WNT7B: variants seen among roughly 807,000 people sequenced by gnomAD.
WNT7B encodes the protein protein Wnt-7b.
In WNT7B, 19 loss-of-function variants were observed where a neutral mutation model predicts 38.2. The observed-to-expected ratio is 0.50, with a 90% CI of 0.35 to 0.73. WNT7B has a LOEUF of 0.73. Ranked by LOEUF, WNT7B falls within the 30% of genes least tolerant of loss-of-function variation. The pLI is 0.01. For missense variants in WNT7B, 423 were observed against 507.9 expected (o/e 0.83, Z 1.61); for synonymous variants, 243 against 209.3 (o/e 1.16, Z -1.39).
chr22:45,929,801 C>CATCTACCCACTCATCT (rs141932680), intron 3 of WNT7B, among the ~76,000 whole-genome samples: 35,866 of 143,280 alleles, frequency 0.25, 4,381 homozygotes, highest in South Asian at 0.28. Context: ...TCCACTCAAC[C>CATCTACCCACTCATCT]ATCTACCCAT....
chr22:45,944,221 T>C (rs1931740168), intron 2 of WNT7B, among the ~76,000 whole-genome samples: 1 of 152,134 alleles, frequency 6.6e-6, no homozygotes, highest in African/African-American at 2.4e-5. Flanking sequence ...CTGGGGAGGA[T>C]GGAAAATTCC....
chr22:45,946,987 C>T (rs1260982890), intron 2 of WNT7B, among the ~76,000 whole-genome samples: 3 of 152,198 alleles, frequency 2.0e-5, no homozygotes, highest in African/African-American at 7.2e-5. Flanking sequence ...TGGCTGTTCC[C>T]ACGAGTGTCC....
intron 3 of WNT7B, chr22:45,925,341 A>AAGACTGGAG: frequency 1.0e-6 from 1 of 985,334 alleles, no homozygotes. Flanking sequence ...CCCTTGGACA[A>AAGACTGGAG]AGACTGGAGA....
intron 3 of WNT7B, chr22:45,926,810 C>T (rs760961417): frequency 1.8e-5 from 18 of 985,322 alleles, no homozygotes; most frequent in Non-Finnish European, 2.0e-5. Context: ...AGTGAAGTTA[C>T]ATCATGAGCC....
At chr22:45,957,020 C>T (rs900115375) in intron 1 of WNT7B, among the ~76,000 whole-genome samples, 6 of 150,912 alleles carry the variant, frequency 4.0e-5, no homozygotes, top group African/African-American at 9.8e-5. Flanking sequence ...GCAGGAGAAT[C>T]GCTTGAACCA....
chr22:45,949,452 C>T (rs1298295414), intron 2 of WNT7B, among the ~76,000 whole-genome samples: 5 of 152,104 alleles, frequency 3.3e-5, no homozygotes, highest in Admixed American at 3.3e-4. Flanking sequence ...ACGACATTCA[C>T]ACAGCACTTC....
At chr22:45,964,948 G>A (rs1182764942) in intron 1 of WNT7B, among the ~76,000 whole-genome samples, 1 of 152,108 alleles carries the variant, frequency 6.6e-6, no homozygotes, top group Non-Finnish European at 1.5e-5. Context: ...TGGTGGGCAG[G>A]ACCAGCCTCC....
chr22:45,943,047 C>T (rs1020285524), intron 2 of WNT7B, among the ~76,000 whole-genome samples: 2 of 138,492 alleles, frequency 1.4e-5, no homozygotes, highest in Admixed American at 7.1e-5. Context: ...GTGTGTGCAG[C>T]ATGCATGTGT....
At chr22:45,946,773 A>C (rs950173971) in intron 2 of WNT7B, among the ~76,000 whole-genome samples, 2 of 152,198 alleles carry the variant, frequency 1.3e-5, no homozygotes, top group Non-Finnish European at 2.9e-5. Flanking sequence ...TGAGCGCCCC[A>C]TCCCCAGAGG....
intron 3 of WNT7B, among the ~76,000 whole-genome samples, chr22:45,929,965 T>TACCC (rs1233907677): frequency 6.7e-6 from 1 of 148,480 alleles, no homozygotes; most frequent in Non-Finnish European, 1.5e-5. Context: ...CTCATACATC[T>TACCC]ATCCATCCAT....
At chr22:45,923,435 T>C in intron 3 of WNT7B, 100 bp from the exon 4 acceptor site, 3 of 1,469,434 alleles carry the variant, frequency 2.0e-6, no homozygotes, top group Non-Finnish European at 1.8e-6. Flanking sequence ...AGCCCGCTCC[T>C]CCCCTTGGGC....
intron 2 of WNT7B, among the ~76,000 whole-genome samples, chr22:45,933,414 C>T (rs1490622651): frequency 2.0e-5 from 3 of 152,122 alleles, no homozygotes; most frequent in Admixed American, 1.3e-4. Context: ...ATATAGGAAC[C>T]CACTTCCCCG....
intron 1 of WNT7B, 39 bp from the exon 2 acceptor site, chr22:45,950,185 G>A (rs923703689): frequency 8.9e-6 from 14 of 1,566,586 alleles, no homozygotes; most frequent in Admixed American, 3.5e-5. Context: ...AGACGGCGGC[G>A]GCCAGCGCCC....
chr22:45,923,871 C>G (rs1931000763), intron 3 of WNT7B, among the ~76,000 whole-genome samples: 1 of 152,216 alleles, frequency 6.6e-6, no homozygotes, highest in South Asian at 2.1e-4. Flanking sequence ...GCACGTTGCC[C>G]AAGGCCAAGG....
At position 45,976,869 on chromosome 22, in the gene WNT7B, C is replaced by T; in HGVS notation, c.-115G>A. 1.5e-5 allele frequency: 15 copies of T among 1,033,476 alleles called. No homozygotes were observed. The highest frequency in any genetic ancestry group is 1.6e-5 in the Non-Finnish European group (14 of 855,718). The allele number at this position is 1,033,476 out of a possible 1,614,324, so 64.0% of individuals were successfully genotyped here. A position where few individuals can be genotyped will look rare whatever the true frequency, so the allele number is the denominator to read the frequency against. The stretch of plus-strand genomic sequence containing the variant: ...GGCAGACTGCGCTCAGCCCGCGCTG[C>T]GGCTCGGGCGGCCGGCGACGCGCGG... On this transcript the variant is annotated 5_prime_UTR_variant, in exon 1 of 4. Coordinates refer to ENST00000339464, the MANE Select transcript of WNT7B (RefSeq NM_058238.3). This position sits in a 1 kb window ranked among gnomAD's most constrained non-coding sequence, Gnocchi z 8.5.
At chr22:45,933,363 A>G (rs1931427965) in intron 2 of WNT7B, among the ~76,000 whole-genome samples, 1 of 152,064 alleles carries the variant, frequency 6.6e-6, no homozygotes, top group African/African-American at 2.4e-5. Context: ...GCCACTGCCT[A>G]CCCACGCTGC....
chr22:45,940,888 G>A (rs2063169792), intron 2 of WNT7B, among the ~76,000 whole-genome samples: 4 of 152,238 alleles, frequency 2.6e-5, no homozygotes, highest in Admixed American at 1.3e-4. Context: ...AAGACCCTGA[G>A]GTGAGAATGA....
chr22:45,972,177 G>T, intron 1 of WNT7B: 1 of 643,232 alleles, frequency 1.6e-6, no homozygotes. Context: ...CTGGACAGGA[G>T]GAGAAAGATC....
At chr22:45,963,948 C>T (rs937728749) in intron 1 of WNT7B, among the ~76,000 whole-genome samples, 17 of 152,076 alleles carry the variant, frequency 1.1e-4, no homozygotes, top group Non-Finnish European at 2.1e-4. Context: ...CCCCCCGCAC[C>T]TCCAGGAGCT....
Sources: allele counts gnomAD v4.1 joint callset (sites outside exome capture counted in the v4.1 genomes callset), GRCh38; gene constraint gnomAD v4.1.1; non-coding constraint Gnocchi (gnomAD v3.1); transcripts MANE v1.5; gene names NCBI Gene and HGNC (gene_info 2026-07-23, HGNC 2026-07-21).